Variants in ADK observed in about 807,000 individuals in gnomAD.
The protein encoded by ADK is adenosine kinase, also known as N6,N6-dimethyladenosine kinase.
ADK carries 24 observed loss-of-function variants against 44.7 expected under a neutral mutation model. The observed-to-expected ratio is 0.54, with a 90% CI of 0.39 to 0.76. The LOEUF is 0.76. ADK is among the 30% of genes least tolerant of loss of function. The pLI, the probability that ADK is intolerant of heterozygous loss-of-function variation, is 0.00. For missense variants in ADK, 321 were observed against 425.1 expected (o/e 0.76, Z 2.15); for synonymous variants, 128 against 142.6 (o/e 0.90, Z 0.73).
chr10:74,206,711 C>T (rs1843610404), intron 2 of ADK, among the ~76,000 whole-genome samples: 1 of 152,180 alleles, frequency 6.6e-6, no homozygotes, highest in South Asian at 2.1e-4. Context: ...TGTTTATGGG[C>T]TAATACTATG....
chr10:74,178,553 A>G (rs1218363591), intron 1 of ADK, among the ~76,000 whole-genome samples: 1 of 152,190 alleles, frequency 6.6e-6, no homozygotes, highest in Admixed American at 6.5e-5. Flanking sequence ...ATTGACTATC[A>G]TCTTCCTGAC....
chr10:74,352,086 A>C (rs1472195167), intron 4 of ADK, among the ~76,000 whole-genome samples: 1 of 152,182 alleles, frequency 6.6e-6, no homozygotes, highest in Non-Finnish European at 1.5e-5. Context: ...CTTAAATTTC[A>C]TATGGAACCA....
intron 10 of ADK, among the ~76,000 whole-genome samples, chr10:74,698,529 G>C (rs1191086229): frequency 6.6e-6 from 1 of 152,166 alleles, no homozygotes; most frequent in Non-Finnish European, 1.5e-5. Context: ...CCCAAATCTT[G>C]TTCTAAAAAG....
At chr10:74,612,528 A>G (rs1312013680) in intron 9 of ADK, among the ~76,000 whole-genome samples, 2 of 152,158 alleles carry the variant, frequency 1.3e-5, no homozygotes, top group Non-Finnish European at 2.9e-5. Context: ...GATTCTGGAT[A>G]TTAGTCCTTT....
intron 9 of ADK, among the ~76,000 whole-genome samples, chr10:74,630,818 A>G (rs1047389113): frequency 3.9e-5 from 6 of 152,166 alleles, no homozygotes; most frequent in African/African-American, 1.4e-4. Flanking sequence ...TTAGCCAAAG[A>G]ATTATATTTT....
At chr10:74,656,731 T>C (rs1229900098) in intron 9 of ADK, among the ~76,000 whole-genome samples, 1 of 152,216 alleles carries the variant, frequency 6.6e-6, no homozygotes, top group Non-Finnish European at 1.5e-5. Flanking sequence ...ATATTATAGA[T>C]GAAAACTCCT....
chr10:74,276,402 T>C (rs1056943371), intron 3 of ADK, among the ~76,000 whole-genome samples: 26 of 152,216 alleles, frequency 1.7e-4, no homozygotes, highest in Admixed American at 1.4e-3. Flanking sequence ...GCCCCAACAC[T>C]GGGAAGCAGC....
chr10:74,305,175 T>C (rs1453007535), intron 3 of ADK, among the ~76,000 whole-genome samples: 1 of 152,216 alleles, frequency 6.6e-6, no homozygotes, highest in Non-Finnish European at 1.5e-5. Context: ...ACATGTTCAG[T>C]ACATATTTTT....
At chr10:74,689,557 A>T (rs1295311216) in intron 10 of ADK, among the ~76,000 whole-genome samples, 1 of 152,204 alleles carries the variant, frequency 6.6e-6, no homozygotes, top group African/African-American at 2.4e-5. Flanking sequence ...TCTCAAACTT[A>T]CAAATTTGGT....
chr10:74,291,840 C>T (rs1847451545), intron 3 of ADK, among the ~76,000 whole-genome samples: 1 of 151,658 alleles, frequency 6.6e-6, no homozygotes, highest in African/African-American at 2.4e-5. Flanking sequence ...TCAGTTTTCT[C>T]ATCTGTACAG....
intron 6 of ADK, among the ~76,000 whole-genome samples, chr10:74,509,744 A>G (rs926499112): frequency 3.3e-5 from 5 of 151,758 alleles, no homozygotes; most frequent in Non-Finnish European, 7.4e-5. Flanking sequence ...CTTTCCCCCT[A>G]CTTTCCCAGC....
intron 7 of ADK, among the ~76,000 whole-genome samples, chr10:74,586,145 T>C (rs1277566047): frequency 6.6e-6 from 1 of 152,208 alleles, no homozygotes. Context: ...GTTCCATCAT[T>C]GTACCTACAA....
At chr10:74,260,747 C>T (rs1846011063) in intron 3 of ADK, among the ~76,000 whole-genome samples, 1 of 152,166 alleles carries the variant, frequency 6.6e-6, no homozygotes, top group Admixed American at 6.5e-5. Context: ...TCCCTGCTTA[C>T]TGTTTCTTCC....
intron 6 of ADK, chr10:74,423,681 A>G (rs1438624652): frequency 4.5e-6 from 2 of 441,880 alleles, no homozygotes; most frequent in East Asian, 6.9e-5. Context: ...TGTTACCCAC[A>G]AGTACAGTGA....
At chr10:74,204,432 AT>A (rs1191837066) in intron 2 of ADK, among the ~76,000 whole-genome samples, 2 of 152,104 alleles carry the variant, frequency 1.3e-5, no homozygotes, top group African/African-American at 4.8e-5. Context: ...GGGGACAATA[AT>A]TTTTTTGAAA....
At chr10:74,425,100 C>T (rs570709639) in intron 6 of ADK, among the ~76,000 whole-genome samples, 3 of 152,168 alleles carry the variant, frequency 2.0e-5, no homozygotes, top group South Asian at 4.1e-4. Context: ...GATGAAGATA[C>T]GTTTCCAAAG....
At chr10:74,285,014 C>A (rs889348926) in intron 3 of ADK, among the ~76,000 whole-genome samples, 5 of 152,134 alleles carry the variant, frequency 3.3e-5, no homozygotes, top group African/African-American at 1.2e-4. Flanking sequence ...TTTACTGGAA[C>A]TTTTTTAAGT....
At chr10:74,457,605 T>C (rs1031044180) in intron 6 of ADK, among the ~76,000 whole-genome samples, 3 of 152,166 alleles carry the variant, frequency 2.0e-5, no homozygotes, top group Non-Finnish European at 2.9e-5. Flanking sequence ...TAGCAAAGAC[T>C]TGGAACCAAC....
intron 9 of ADK, among the ~76,000 whole-genome samples, chr10:74,658,466 C>T (rs1442356068): frequency 6.6e-6 from 1 of 152,162 alleles, no homozygotes; most frequent in Non-Finnish European, 1.5e-5. Flanking sequence ...GGATCTCCCT[C>T]TGTCACCCAG....
Sources: allele counts gnomAD v4.1 joint callset (sites outside exome capture counted in the v4.1 genomes callset), GRCh38; gene constraint gnomAD v4.1.1; transcripts MANE v1.5; gene names NCBI Gene and HGNC (gene_info 2026-07-23, HGNC 2026-07-21).